ACACA: variants seen among roughly 807,000 people sequenced by gnomAD.
ACACA encodes acetyl-CoA carboxylase alpha.
A neutral mutation model predicts 296.1 loss-of-function variants in ACACA; 103 were observed. The ratio of observed to expected loss-of-function variants is 0.35; its 90% CI spans 0.30 to 0.41. The LOEUF (loss-of-function observed/expected upper bound fraction) is 0.41. Among genes scored for constraint, ACACA ranks in the 10% least tolerant of loss-of-function variants. The pLI, the probability that ACACA is intolerant of heterozygous loss-of-function variation, is 1.00. For missense variants in ACACA, 1,554 were observed against 2,989.7 expected, an observed-to-expected ratio of 0.52 and a Z score of 11.20; for synonymous variants, 953 against 1,038.6, an observed-to-expected ratio of 0.92 and a Z score of 1.58.
chr17:37,101,086 G>GAAA (rs769214258), intron 52 of ACACA, among the ~76,000 whole-genome samples: 1 of 56,362 alleles, frequency 1.8e-5, no homozygotes, highest in Non-Finnish European at 3.4e-5. Context: ...GACTGTCTCA[G>GAAA]AAAAAAAAAA....
chr17:37,347,472 T>C (rs1302103760), intron 1 of ACACA, among the ~76,000 whole-genome samples: 1 of 152,154 alleles, frequency 6.6e-6, no homozygotes, highest in Non-Finnish European at 1.5e-5. Context: ...TTTTTTGTGA[T>C]TTTTGTGGAG....
intron 1 of ACACA, among the ~76,000 whole-genome samples, chr17:37,394,949 G>C (rs1392051111): frequency 6.6e-6 from 1 of 151,146 alleles, no homozygotes. Context: ...CATTATAAAA[G>C]CTTTTAGAAA....
intron 50 of ACACA, among the ~76,000 whole-genome samples, chr17:37,116,055 C>T (rs542210557): frequency 1.3e-5 from 2 of 152,132 alleles, no homozygotes; most frequent in Admixed American, 6.5e-5. Context: ...TGCAGTGGCA[C>T]GACCTCAGCT....
Position 37,145,501 on chromosome 17 carries a change from C to T in ACACA, c.5679+4363G>A, listed in dbSNP as rs971483599. Reference sequence around the variant, plus strand: ...TCTCTTATTAATGTCATCATTCTCACGACATTTGGACAAACAGGAAAACGA... The same window carrying T: ...TCTCTTATTAATGTCATCATTCTCATGACATTTGGACAAACAGGAAAACGA... On this transcript the variant is annotated intron_variant, in intron 45 of 55. Transcript: ENST00000616317. Among the ~76,000 whole-genome samples the T allele has an allele frequency of 3.3e-5, 5 of 152,274 alleles. No homozygotes were observed. In the East Asian group the frequency reaches 5.8e-4, roughly 18 times the overall value.
chr17:37,236,116 G>A (rs995906653), intron 24 of ACACA, among the ~76,000 whole-genome samples: 3 of 152,154 alleles, frequency 2.0e-5, no homozygotes, highest in African/African-American at 4.8e-5. Context: ...GAACAGTGAC[G>A]TTCAAACTGC....
In ACACA at chr17:37,205,792, A is replaced by G. The variant is rs2078471623; in HGVS notation, c.4029T>C (p.Ala1343=). ...DCDIEDDRLA[A]MFREFTQQNK... ...TTTGCTGGGTAAATTCTCTGAACAT[A>G]GCTGCCAGCCTGTCATCCTCAATAT... The change falls in exon 33 of 56, where the codon GCT becomes GCC. Residue 1343 remains alanine (A), a synonymous_variant. Coordinates refer to ENST00000616317, the MANE Select transcript of ACACA (RefSeq NM_198834.3). The G allele has an allele frequency of 6.2e-7, 1 of 1,613,726 alleles. No individual in the cohort carries two copies. The highest frequency in any genetic ancestry group is 8.5e-7 in the Non-Finnish European group (1 of 1,179,852).
At chr17:37,258,110 T>G in intron 13 of ACACA, 102 bp downstream of exon 13, 1 of 1,414,434 alleles carries the variant, frequency 7.1e-7, no homozygotes, top group Non-Finnish European at 9.8e-7. Flanking sequence ...TGTTTCCCAC[T>G]CCAGAGGAAG....
rs942424686 is a variant in ACACA at position 37,085,532 on chromosome 17, G to C, written c.*1784C>G. On this transcript the variant is annotated 3_prime_UTR_variant, in exon 56 of 56. Transcript: ENST00000616317. ...CAAAAATGAATCCAATTCTTACTAG[G>C]TAAGCAAATAGCCAGCAATGGTCAA... 2 of 398,308 alleles carry C rather than the reference G, an allele frequency of 5.0e-6. No individual in the cohort carries two copies. Among genetic ancestry groups the C allele is most frequent in the African/African-American group, 4.1e-5 (2 of 48,624 alleles). The allele number at this position is 398,308 out of a possible 1,614,324, so 24.7% of individuals were successfully genotyped here. A position where few individuals can be genotyped will look rare whatever the true frequency, so the allele number is the denominator to read the frequency against.
At chr17:37,313,908 G>A (rs2046963314) in intron 3 of ACACA, among the ~76,000 whole-genome samples, 1 of 152,034 alleles carries the variant, frequency 6.6e-6, no homozygotes. Flanking sequence ...ACACTCCCAT[G>A]TTTATTACAG....
chr17:37,129,973 T>A (rs768035357), intron 46 of ACACA, 102 bp downstream of exon 46: 189 of 1,472,018 alleles, frequency 1.3e-4, no homozygotes, highest in Non-Finnish European at 1.7e-4. Context: ...TATAAAAAAA[T>A]TCCTCCACCA....
rs2050853165 is a variant in ACACA, at chr17:37,390,884, T to A, written c.38+15378A>T. Among the ~76,000 whole-genome samples, 4 of 151,872 alleles carry A rather than the reference T, an allele frequency of 2.6e-5. No individual in the cohort carries two copies. In the South Asian group the frequency reaches 8.3e-4, roughly 31 times the overall value. Reference sequence around the variant, plus strand: ...GTCTAGTCCAGAATAGAATTAGAGATAACCAGGTAGCTGCAACTGTGATTG... The same window carrying A: ...GTCTAGTCCAGAATAGAATTAGAGAAAACCAGGTAGCTGCAACTGTGATTG... On this transcript the variant is annotated intron_variant, in intron 1 of 55. Coordinates refer to ENST00000616317, the MANE Select transcript of ACACA (RefSeq NM_198834.3).
chr17:37,244,618 G>A lies in ACACA; in HGVS notation c.2712C>T (p.Tyr904=). 1 of 1,614,168 alleles carries A rather than the reference G, an allele frequency of 6.2e-7. No homozygotes were observed. The highest frequency in any genetic ancestry group is 8.5e-7 in the Non-Finnish European group (1 of 1,180,000). ...LDNLVNVMNG[Y]CLPDPFFSSK... ...TGCTAAAGAAAGGATCTGGAAGGCA[G>A]TATCCATTCATTACATTGACCAGAT... The change falls in exon 21 of 56, where the codon TAC becomes TAT. Residue 904 remains tyrosine (Y), a synonymous_variant. Transcript: ENST00000616317.
Position 37,344,461 on chromosome 17 carries a change from G to A in ACACA, c.39-4611C>T, listed in dbSNP as rs923523119. On this transcript the variant is annotated intron_variant, in intron 1 of 55. Transcript: ENST00000616317. ...TAATCCCAGCTACCTGGGAGGCTGAGGCAGGAGAATCGCTTGAACCCAGGA... is the reference window on the plus strand; with the variant it reads ...TAATCCCAGCTACCTGGGAGGCTGAAGCAGGAGAATCGCTTGAACCCAGGA... Among the ~76,000 whole-genome samples, 158 of 152,138 alleles carry A rather than the reference G, an allele frequency of 1.0e-3. 1 individual carries two copies. Among genetic ancestry groups the A allele is most frequent in the Non-Finnish European group, 2.8e-4 (19 of 68,032 alleles).
At chr17:37,346,749 G>A (rs1202443724) in intron 1 of ACACA, among the ~76,000 whole-genome samples, 1 of 151,762 alleles carries the variant, frequency 6.6e-6, no homozygotes, top group African/African-American at 2.4e-5. Context: ...CTAGATTATG[G>A]AATTGCATGG....
intron 41 of ACACA, among the ~76,000 whole-genome samples, chr17:37,170,625 T>G (rs539276927): frequency 1.2e-4 from 18 of 152,170 alleles, no homozygotes; most frequent in Non-Finnish European, 2.5e-4. Context: ...TCTATCCATA[T>G]ATGTATTTTT....
At chr17:37,274,079 C>T (rs538154544) in intron 9 of ACACA, 114 bp downstream of exon 9, 1 of 864,844 alleles carries the variant, frequency 1.2e-6, no homozygotes, top group African/African-American at 1.7e-5. Context: ...ACCTCCTGGT[C>T]TTACATCCCT....
At chr17:37,191,363 T>C (rs2077742937) in intron 37 of ACACA, 88 bp from the exon 38 acceptor site, 3 of 1,297,678 alleles carry the variant, frequency 2.3e-6, no homozygotes, top group Non-Finnish European at 3.3e-6. Context: ...CAGCAGTATA[T>C]CATGAATCAT....
chr17:37,365,569 T>C, intron 1 of ACACA: 1 of 985,442 alleles, frequency 1.0e-6, no homozygotes, highest in East Asian at 1.1e-4. Context: ...GTCAGTGCCT[T>C]GCCCACAACT....
chr17:37,323,115 G>A (rs114848730), intron 3 of ACACA, among the ~76,000 whole-genome samples: 2,534 of 152,366 alleles, frequency 0.017, 84 homozygotes, highest in African/African-American at 0.058. Flanking sequence ...TTTCAGAGTC[G>A]CAGACACCAC....
Sources: allele counts gnomAD v4.1 joint callset (sites outside exome capture counted in the v4.1 genomes callset), GRCh38; gene constraint gnomAD v4.1.1; transcripts MANE v1.5; gene names NCBI Gene and HGNC (gene_info 2026-07-23, HGNC 2026-07-21).